The following ARB2A variants were observed in gnomAD, a reference collection of about 807,000 sequenced individuals.
ARB2A encodes the protein cotranscriptional regulator ARB2A.
At chr5:93,896,514 T>C in the ARB2A span, among the ~76,000 whole-genome samples, 2 of 152,126 alleles carry the variant, frequency 1.3e-5, no homozygotes, top group African/African-American at 4.8e-5. Context: ...AAACTCATTA[T>C]GTATATGCAA....
the ARB2A span, among the ~76,000 whole-genome samples, chr5:93,912,007 T>C: frequency 6.6e-6 from 1 of 151,830 alleles, no homozygotes; most frequent in Non-Finnish European, 1.5e-5. Flanking sequence ...TCAGCTGTTA[T>C]ACTCAATAAT....
At chr5:93,921,958 G>A in the ARB2A span, among the ~76,000 whole-genome samples, 2 of 152,024 alleles carry the variant, frequency 1.3e-5, no homozygotes, top group African/African-American at 2.4e-5. Flanking sequence ...TGAAGATGTC[G>A]AGGTGGTCTA....
chr5:93,776,347 T>C, the ARB2A span: 1 of 766,178 alleles, frequency 1.3e-6, no homozygotes, highest in Non-Finnish European at 2.0e-6. Context: ...TAGAGTGTAT[T>C]CAATTTATTT....
chr5:93,841,712 T>C, the ARB2A span, among the ~76,000 whole-genome samples: 1 of 152,218 alleles, frequency 6.6e-6, no homozygotes, highest in African/African-American at 2.4e-5. Context: ...TCACTTTATA[T>C]AACCCTGTTA....
At chr5:94,097,361 A>G in the ARB2A span, among the ~76,000 whole-genome samples, 1 of 152,128 alleles carries the variant, frequency 6.6e-6, no homozygotes, top group African/African-American at 2.4e-5. Flanking sequence ...TCACCTAACC[A>G]TCGAAGAACT....
the ARB2A span, among the ~76,000 whole-genome samples, chr5:93,946,424 A>C: frequency 1.3e-5 from 2 of 152,206 alleles, no homozygotes; most frequent in Non-Finnish European, 2.9e-5. Context: ...CTGAATTAAA[A>C]ATACATAAAA....
the ARB2A span, among the ~76,000 whole-genome samples, chr5:93,797,851 C>G: frequency 6.6e-6 from 1 of 151,974 alleles, no homozygotes; most frequent in Non-Finnish European, 1.5e-5. Flanking sequence ...TGAAGACGTA[C>G]AGTACAAGGG....
At chr5:93,965,111 G>C in the ARB2A span, among the ~76,000 whole-genome samples, 1 of 152,014 alleles carries the variant, frequency 6.6e-6, no homozygotes, top group South Asian at 2.1e-4. Flanking sequence ...AGATATAACT[G>C]AAGTTTAGAA....
the ARB2A span, among the ~76,000 whole-genome samples, chr5:93,945,096 T>A: frequency 6.6e-6 from 1 of 152,200 alleles, no homozygotes; most frequent in African/African-American, 2.4e-5. Context: ...CAGGTCATAA[T>A]CTGACATGTG....
At chr5:93,776,733 G>T in the ARB2A span, among the ~76,000 whole-genome samples, 38 of 152,114 alleles carry the variant, frequency 2.5e-4, no homozygotes, top group East Asian at 4.5e-3. Context: ...AGCTGAGAGC[G>T]TGCCATTGCA....
At chr5:94,038,188 T>C in the ARB2A span, among the ~76,000 whole-genome samples, 2 of 152,080 alleles carry the variant, frequency 1.3e-5, no homozygotes, top group East Asian at 3.8e-4. Flanking sequence ...AATTCAGTAC[T>C]GGCATGAAAG....
the ARB2A span, among the ~76,000 whole-genome samples, chr5:93,767,180 A>G: frequency 6.6e-6 from 1 of 152,178 alleles, no homozygotes; most frequent in Non-Finnish European, 1.5e-5. Flanking sequence ...CTTAAAACTT[A>G]AAGTATAATA....
chr5:93,815,515 A>C, the ARB2A span, among the ~76,000 whole-genome samples: 1 of 152,290 alleles, frequency 6.6e-6, no homozygotes, highest in South Asian at 2.1e-4. Context: ...TACTTATTCC[A>C]TTCTAATCTA....
chr5:93,767,640 G>A, the ARB2A span, among the ~76,000 whole-genome samples: 4 of 151,864 alleles, frequency 2.6e-5, no homozygotes, highest in Non-Finnish European at 2.9e-5. Context: ...ATAAATTAAC[G>A]AGTTAAGAAA....
chr5:94,084,630 G>T, the ARB2A span, among the ~76,000 whole-genome samples: 2 of 152,094 alleles, frequency 1.3e-5, no homozygotes, highest in Admixed American at 6.5e-5. Flanking sequence ...GCCTTGCCAG[G>T]TTTCACAGTA....
At chr5:93,972,449 AT>A in the ARB2A span, among the ~76,000 whole-genome samples, 1 of 151,938 alleles carries the variant, frequency 6.6e-6, no homozygotes, top group Non-Finnish European at 1.5e-5. Flanking sequence ...AAGACGCCCC[AT>A]CCAAATGATA....
chr5:93,918,415 G>A, the ARB2A span, among the ~76,000 whole-genome samples: 2 of 149,546 alleles, frequency 1.3e-5, no homozygotes, highest in Non-Finnish European at 3.0e-5. Context: ...TAAATATTAG[G>A]TTACTTCCAA....
chr5:93,698,501 A>G, the ARB2A span, among the ~76,000 whole-genome samples: 1 of 152,186 alleles, frequency 6.6e-6, no homozygotes, highest in Non-Finnish European at 1.5e-5. Context: ...TGAGGCAGTC[A>G]GGATAGGAAA....
the ARB2A span, among the ~76,000 whole-genome samples, chr5:93,843,724 T>A: frequency 6.6e-6 from 1 of 151,780 alleles, no homozygotes. Flanking sequence ...ACAGCAGAAG[T>A]GAAAAATTCA....
Sources: gnomAD v4.1 joint callset for allele counts (sites outside exome capture counted in the v4.1 genomes callset) on GRCh38, gnomAD v4.1.1 for gene constraint, MANE v1.5 for transcripts, NCBI Gene and HGNC (gene_info 2026-07-23, HGNC 2026-07-21) for gene names.